The following RBM11 variants were observed in gnomAD, a reference collection of about 807,000 sequenced individuals.
The protein encoded by RBM11 is splicing regulator RBM11.
In RBM11, 18 loss-of-function variants were observed where a neutral mutation model predicts 21.4. The ratio of observed to expected loss-of-function variants is 0.84; its 90% CI spans 0.58 to 1.25. The LOEUF (loss-of-function observed/expected upper bound fraction) is 1.25. Ranked by LOEUF, RBM11 falls within the 50% of genes most tolerant of loss-of-function variation. The probability of loss-of-function intolerance (pLI) is 0.00; values close to 1 mark genes in which losing one functional copy is unlikely to be tolerated. For missense variants in RBM11, 294 were observed against 331.9 expected, an observed-to-expected ratio of 0.89 and a Z score of 0.89; for synonymous variants, 120 against 116.3, an observed-to-expected ratio of 1.03 and a Z score of -0.20.
At chr21:14,221,901 G>T (rs928251256) in intron 3 of RBM11, among the ~76,000 whole-genome samples, 4 of 152,184 alleles carry the variant, frequency 2.6e-5, no homozygotes, top group African/African-American at 4.8e-5. Context: ...ATAAACACGT[G>T]CCCTGTTTCT....
chr21:14,223,162 TATGTGTATATTTTGGATATGAC>T (rs1978816877), intron 3 of RBM11, among the ~76,000 whole-genome samples: 1 of 152,210 alleles, frequency 6.6e-6, no homozygotes, highest in Admixed American at 6.5e-5. Flanking sequence ...CAGCCTGAGT[TATGTGTATATTTTGGATATGAC>T]ATTTCATTGA....
rs144161558 is a variant in RBM11, at chr21:14,222,537, A to G, written c.332+1368A>G. ...TGTCAAATAGCCAGGTTTATCTTTC[A>G]GAGCATTATTGCACCCCAGATAAAA... On this transcript the variant is annotated intron_variant, in intron 3 of 4. Transcript: ENST00000400577. Among the ~76,000 whole-genome samples, 535 of 152,294 alleles carry G rather than the reference A, an allele frequency of 3.5e-3. 4 individuals are homozygous for G. Among genetic ancestry groups the G allele is most frequent in the African/African-American group, 0.012 (486 of 41,578 alleles).
chr21:14,219,452 C>A, intron 1 of RBM11, 111 bp from the exon 2 acceptor site: 1 of 706,998 alleles, frequency 1.4e-6, no homozygotes, highest in Non-Finnish European at 2.2e-6. Flanking sequence ...ATTAGCAGAG[C>A]TACATAAAGA....
intron 1 of RBM11, among the ~76,000 whole-genome samples, chr21:14,218,819 A>G (rs1340622464): frequency 1.3e-5 from 2 of 152,170 alleles, no homozygotes; most frequent in South Asian, 2.1e-4. Context: ...GTAATTAACA[A>G]TCTTCTATGA....
At chr21:14,224,875 A>G (rs1300468935) in intron 4 of RBM11, among the ~76,000 whole-genome samples, 1 of 152,208 alleles carries the variant, frequency 6.6e-6, no homozygotes, top group East Asian at 1.9e-4. Context: ...TAATCACAGC[A>G]TTTTGGGAGG....
At chr21:14,224,598 G>A in intron 4 of RBM11, 61 bp downstream of exon 4, 2 of 1,493,414 alleles carry the variant, frequency 1.3e-6, no homozygotes, top group South Asian at 2.7e-5. Context: ...AGAACATAAA[G>A]GCTATTTGTA....
intron 2 of RBM11, 59 bp from the exon 3 acceptor site, chr21:14,221,038 T>C: frequency 6.7e-7 from 1 of 1,481,974 alleles, no homozygotes; most frequent in Non-Finnish European, 9.0e-7. Flanking sequence ...TATGGTTTAA[T>C]ATTACAACTC....
At chr21:14,222,678 T>C (rs77173325) in intron 3 of RBM11, among the ~76,000 whole-genome samples, 1,620 of 152,288 alleles carry the variant, frequency 0.011, 19 homozygotes, top group African/African-American at 0.032. Flanking sequence ...TGCCACTTTA[T>C]TAACGTCAAT....
In RBM11 at chr21:14,224,429, T is replaced by G. The variant is rs1297648663; in HGVS notation, c.333-9T>G. 1.3e-6 allele frequency: 2 copies of G among 1,536,592 alleles called. No individual in the cohort carries two copies. Among genetic ancestry groups the G allele is most frequent in the Non-Finnish European group, 1.7e-6 (2 of 1,143,874 alleles). On this transcript the variant is annotated splice_polypyrimidine_tract_variant and intron_variant, in intron 3 of 4. Transcript: ENST00000400577. ...AGATTTTATTACTTCTTCTTTCATC[T>G]CCTCAAAGGAATGAAGAAATGTTGG...
Position 14,221,158 on chromosome 21 carries a change from A to G in RBM11, c.321A>G (p.Ser107=). ...QSFESCVKIN[S]HNYRNEEMLV... ...TTGAGAGCTGTGTTAAGATAAATTC[A>G]CACAACTACAGGTAATTTTAAAAAT... is the stretch of plus-strand genomic sequence containing the variant. Residue 107 remains serine (S), a synonymous_variant, in exon 3 of 5, where the codon TCA becomes TCG. Transcript: ENST00000400577. 6.4e-7 allele frequency: 1 copy of G among 1,565,722 alleles called. No individual in the cohort carries two copies. The highest frequency in any genetic ancestry group is 1.4e-5 in the African/African-American group (1 of 73,952).
rs781125119 is a variant in RBM11 at position 14,221,140 on chromosome 21, C to A, written c.303C>A (p.Ser101Arg). ...AACCAGCTAACCAAAGTTTTGAGAGCTGTGTTAAGATAAATTCACACAACT... is the reference window on the plus strand; with the variant it reads ...AACCAGCTAACCAAAGTTTTGAGAGATGTGTTAAGATAAATTCACACAACT... ...SSEPANQSFE[S>R]CVKINSHNYR... Residue 101 changes from serine to arginine, a missense_variant, in exon 3 of 5, where the codon AGC (serine) becomes AGA (arginine). Physicochemically the swap from Ser to Arg is moderately radical, Grantham distance 110. Coordinates refer to ENST00000400577, the MANE Select transcript of RBM11 (RefSeq NM_144770.5). The A allele has an allele frequency of 3.0e-5, 47 of 1,577,078 alleles. No individual in the cohort carries two copies. Among genetic ancestry groups the A allele is most frequent in the Non-Finnish European group, 3.9e-5 (45 of 1,159,920 alleles).
At chr21:14,216,798 G>A (rs1032823008) in intron 1 of RBM11, among the ~76,000 whole-genome samples, 1 of 152,076 alleles carries the variant, frequency 6.6e-6, no homozygotes, top group Non-Finnish European at 1.5e-5. Flanking sequence ...TGATTCCCTG[G>A]ACAAGGCCCT....
At chr21:14,225,013 G>A (rs986126210) in intron 4 of RBM11, among the ~76,000 whole-genome samples, 1 of 151,966 alleles carries the variant, frequency 6.6e-6, no homozygotes, top group South Asian at 2.1e-4. Flanking sequence ...CCAGCTACTC[G>A]GGAGGCTGAG....
chr21:14,220,508 T>C (rs2123395278), intron 2 of RBM11, among the ~76,000 whole-genome samples: 1 of 152,324 alleles, frequency 6.6e-6, no homozygotes, highest in East Asian at 1.9e-4. Context: ...AAACAATGCT[T>C]TATTGCAAAG....
chr21:14,221,778 C>T (rs1304277545), intron 3 of RBM11, among the ~76,000 whole-genome samples: 1 of 152,136 alleles, frequency 6.6e-6, no homozygotes, highest in Admixed American at 6.5e-5. Flanking sequence ...GCTTTTGTTA[C>T]ATCCATTTTA....
rs575866772 is a variant in RBM11, at chr21:14,218,779, T to G, written c.97-784T>G. ...TTGTAAGTGCCTCCTCCAATCATTATCATGGCTGTGATGTAATTTTTCGTT... is the reference window on the plus strand; with the variant it reads ...TTGTAAGTGCCTCCTCCAATCATTAGCATGGCTGTGATGTAATTTTTCGTT... On this transcript the variant is annotated intron_variant, in intron 1 of 4. Coordinates refer to ENST00000400577, the MANE Select transcript of RBM11 (RefSeq NM_144770.5). Among the ~76,000 whole-genome samples, 312 of 152,348 alleles carry G rather than the reference T, an allele frequency of 2.0e-3. 2 individuals are homozygous for G. The highest frequency in any genetic ancestry group is 3.7e-3 in the Non-Finnish European group (250 of 68,026).
rs550253542 is a variant in RBM11, at chr21:14,222,101, C to CT, written c.332+940dup. Among the ~76,000 whole-genome samples, 905 of 151,802 alleles carry CT rather than the reference C, an allele frequency of 6.0e-3. 2 individuals carry two copies. Among genetic ancestry groups the CT allele is most frequent in the Non-Finnish European group, 8.9e-3 (602 of 67,896 alleles). On this transcript the variant is annotated intron_variant, in intron 3 of 4. Coordinates refer to ENST00000400577, the MANE Select transcript of RBM11 (RefSeq NM_144770.5). ...TCTTTGCATTCTCTTTGCATTTCTT[C>CT]TTTTTTTTAATGTTTGGCTTCATCA... is the stretch of plus-strand genomic sequence containing the variant.
intron 4 of RBM11, among the ~76,000 whole-genome samples, chr21:14,224,853 G>A (rs1978963576): frequency 6.6e-6 from 1 of 152,200 alleles, no homozygotes; most frequent in Non-Finnish European, 1.5e-5. Context: ...CAGACATGGT[G>A]GTTCACACCT....
chr21:14,221,323 T>C, intron 3 of RBM11, 154 bp downstream of exon 3: 5 of 909,126 alleles, frequency 5.5e-6, no homozygotes, highest in Non-Finnish European at 7.6e-6. Flanking sequence ...TGAAAAGTGA[T>C]AGAAAATATT....
Sources: allele counts gnomAD v4.1 joint callset (sites outside exome capture counted in the v4.1 genomes callset), GRCh38; gene constraint gnomAD v4.1.1; transcripts MANE v1.5; gene names NCBI Gene and HGNC (gene_info 2026-07-23, HGNC 2026-07-21).